Variants in PTPN12 observed in about 807,000 individuals in gnomAD.
PTPN12 encodes tyrosine-protein phosphatase non-receptor type 12.
PTPN12 carries 29 observed loss-of-function variants against 97.6 expected under a neutral mutation model. The ratio of observed to expected loss-of-function variants is 0.30; its 90% CI spans 0.22 to 0.41. The LOEUF (loss-of-function observed/expected upper bound fraction) is 0.41. Among genes scored for constraint, PTPN12 ranks in the 10% least tolerant of loss-of-function variants. The probability of loss-of-function intolerance (pLI) is 1.00; values close to 1 mark genes in which losing one functional copy is unlikely to be tolerated. For missense variants in PTPN12, 819 were observed against 926.0 expected (o/e 0.88, Z 1.50); for synonymous variants, 327 against 300.4 (o/e 1.09, Z -0.91).
intron 1 of PTPN12, among the ~76,000 whole-genome samples, chr7:77,565,317 A>G (rs1808214360): frequency 6.6e-6 from 1 of 152,218 alleles, no homozygotes; most frequent in Non-Finnish European, 1.5e-5. Flanking sequence ...ATGTATTTTC[A>G]CTTCAAAGTC....
At chr7:77,577,479 C>G (rs1012997180) in intron 2 of PTPN12, among the ~76,000 whole-genome samples, 7 of 151,814 alleles carry the variant, frequency 4.6e-5, no homozygotes, top group African/African-American at 1.7e-4. Context: ...TGGCAAACTT[C>G]TCATTCCCTG....
At chr7:77,571,636 G>A (rs1407479398) in intron 2 of PTPN12, among the ~76,000 whole-genome samples, 1 of 152,190 alleles carries the variant, frequency 6.6e-6, no homozygotes, top group African/African-American at 2.4e-5. Flanking sequence ...ATTCTCAGCA[G>A]TCTGAATATG....
intron 2 of PTPN12, among the ~76,000 whole-genome samples, chr7:77,581,035 G>GT (rs780247879): frequency 3.6e-4 from 51 of 141,092 alleles, no homozygotes; most frequent in Non-Finnish European, 7.0e-4. Flanking sequence ...TGGTGGTGGT[G>GT]TTTTTTTGTT....
At chr7:77,538,850 G>A (rs937116212) in intron 1 of PTPN12, 1 of 152,090 alleles carries the variant, frequency 6.6e-6, no homozygotes, top group East Asian at 1.9e-4. Context: ...AACCCTGTAG[G>A]TCTGGGGAAT....
intron 12 of PTPN12, among the ~76,000 whole-genome samples, chr7:77,620,538 A>T (rs1788896866): frequency 6.6e-6 from 1 of 152,260 alleles, no homozygotes; most frequent in South Asian, 2.1e-4. Context: ...TAGAACTATT[A>T]TAAATTGTTC....
intron 2 of PTPN12, among the ~76,000 whole-genome samples, chr7:77,579,561 T>A (rs1259730704): frequency 6.6e-6 from 1 of 152,260 alleles, no homozygotes; most frequent in East Asian, 1.9e-4. Flanking sequence ...TATGGTTATA[T>A]AAGATGTTAC....
At chr7:77,619,083 G>A (rs565464518) in intron 12 of PTPN12, among the ~76,000 whole-genome samples, 3 of 152,250 alleles carry the variant, frequency 2.0e-5, no homozygotes, top group East Asian at 3.9e-4. Flanking sequence ...GTAGTATGGA[G>A]AGAATACAGA....
chr7:77,626,742 C>G lies in PTPN12; in HGVS notation c.1063C>G (p.Gln355Glu). 6.2e-7 allele frequency: 1 copy of G among 1,606,822 alleles called. No homozygotes were observed. The highest frequency in any genetic ancestry group is 8.5e-7 in the Non-Finnish European group (1 of 1,177,584). The change falls in exon 13 of 18, where the codon CAG (glutamine) becomes GAG (glutamate). Residue 355 changes from glutamine to glutamate, a missense_variant. By Grantham distance (29) the Gln-to-Glu change is conservative. Coordinates refer to ENST00000248594, the MANE Select transcript of PTPN12 (RefSeq NM_002835.4). The stretch of plus-strand genomic sequence containing the variant: ...AGGGGATGCTAAAGAAGAAATACTG[C>G]AGCCACCGGAACCTCATCCAGTGCC... ...VEGDAKEEIL[Q>E]PPEPHPVPPI...
At chr7:77,613,036 G>A (rs527647988) in intron 11 of PTPN12, among the ~76,000 whole-genome samples, 22 of 151,882 alleles carry the variant, frequency 1.4e-4, no homozygotes, top group Admixed American at 8.5e-4. Flanking sequence ...CTCCCAAAGT[G>A]CTAGGATTAT....
At chr7:77,582,084 C>CTTTTTTTTTTTTTTTTTTTTTTTTTTTT (rs11341609) in intron 3 of PTPN12, among the ~76,000 whole-genome samples, 4 of 52,846 alleles carry the variant, frequency 7.6e-5, no homozygotes, top group Non-Finnish European at 9.9e-5. Context: ...CAGTCAAGTT[C>CTTTTTTTTTTTTTTTTTTTTTTTTTTTT]TTTTTTTTTT....
At chr7:77,539,804 C>T (rs547478287) in intron 1 of PTPN12, among the ~76,000 whole-genome samples, 3 of 151,644 alleles carry the variant, frequency 2.0e-5, no homozygotes, top group Admixed American at 6.6e-5. Flanking sequence ...AATTTTTGTC[C>T]GAAGTAGCCG....
chr7:77,577,783 G>A lies in PTPN12; in HGVS notation c.209-3644G>A, dbSNP rs191581999. Among the ~76,000 whole-genome samples, 1,122 of 152,260 alleles carry A rather than the reference G, an allele frequency of 7.4e-3. 18 individuals carry two copies. Among genetic ancestry groups the A allele is most frequent in the Non-Finnish European group, 8.1e-3 (550 of 68,014 alleles). The stretch of plus-strand genomic sequence containing the variant: ...GCCTGTGTTTTAGAATTTAAATGGG[G>A]AGTTTTAAAAAGGGTATTTCTGTGC... On this transcript the variant is annotated intron_variant, in intron 2 of 17. Transcript: ENST00000248594.
At chr7:77,620,709 G>A (rs962183271) in intron 12 of PTPN12, among the ~76,000 whole-genome samples, 1 of 152,186 alleles carries the variant, frequency 6.6e-6, no homozygotes, top group African/African-American at 2.4e-5. Context: ...CAGCACTTTG[G>A]TAGGCCAAGG....
intron 12 of PTPN12, among the ~76,000 whole-genome samples, chr7:77,622,160 G>C (rs922825323): frequency 1.3e-5 from 2 of 152,078 alleles, no homozygotes; most frequent in Non-Finnish European, 2.9e-5. Flanking sequence ...TCTCCTTGTT[G>C]CCTAGGCCAG....
chr7:77,579,207 C>A (rs191306810), intron 2 of PTPN12, among the ~76,000 whole-genome samples: 3 of 152,120 alleles, frequency 2.0e-5, no homozygotes, highest in African/African-American at 7.2e-5. Flanking sequence ...CCACAACCTC[C>A]GCTTCCTGGG....
chr7:77,572,171 T>G (rs2151319908), intron 2 of PTPN12, among the ~76,000 whole-genome samples: 1 of 151,790 alleles, frequency 6.6e-6, no homozygotes, highest in Non-Finnish European at 1.5e-5. Flanking sequence ...CTTGGCTCAC[T>G]GCAACCTCTG....
At chr7:77,561,377 T>C (rs1461762046) in intron 1 of PTPN12, among the ~76,000 whole-genome samples, 4 of 152,284 alleles carry the variant, frequency 2.6e-5, no homozygotes, top group African/African-American at 9.6e-5. Flanking sequence ...AGATTATTGG[T>C]GACTTGCTAA....
intron 1 of PTPN12, among the ~76,000 whole-genome samples, chr7:77,568,230 T>TATTTGGACGCAAAA (rs1808336504): frequency 6.6e-6 from 1 of 152,180 alleles, no homozygotes; most frequent in African/African-American, 2.4e-5. Context: ...ATAAGATAAA[T>TATTTGGACGCAAAA]ATTTGGACGC....
chr7:77,586,153 C>T (rs554377560), intron 5 of PTPN12, among the ~76,000 whole-genome samples: 1 of 152,224 alleles, frequency 6.6e-6, no homozygotes, highest in East Asian at 1.9e-4. Context: ...GGGGTTTCAC[C>T]ATGTTGGCCA....
Sources: allele counts gnomAD v4.1 joint callset (sites outside exome capture counted in the v4.1 genomes callset), GRCh38; gene constraint gnomAD v4.1.1; transcripts MANE v1.5; gene names NCBI Gene and HGNC (gene_info 2026-07-23, HGNC 2026-07-21).